Variants in PCLO observed in about 807,000 individuals in gnomAD.
PCLO encodes the protein piccolo presynaptic cytomatrix protein.
A neutral mutation model predicts 427.5 loss-of-function variants in PCLO; 82 were observed. The ratio of observed to expected loss-of-function variants is 0.19; its 90% confidence interval spans 0.16 to 0.23. PCLO has a LOEUF of 0.23. PCLO is among the 10% of genes least tolerant of loss of function. The pLI, the probability that PCLO is intolerant of heterozygous loss-of-function variation, is 1.00. For synonymous variants in PCLO, 2,357 were observed against 2,155.4 expected (o/e 1.09, Z -2.59); for missense variants, 6,239 against 6,115.9 (o/e 1.02, Z -0.67).
intron 10 of PCLO, among the ~76,000 whole-genome samples, chr7:82,852,451 C>G (rs1042803635): frequency 8.5e-5 from 13 of 152,252 alleles, no homozygotes; most frequent in African/African-American, 3.1e-4. Flanking sequence ...GCTGAGTCTT[C>G]CGGCCTTCAT....
intron 9 of PCLO, among the ~76,000 whole-genome samples, chr7:82,881,336 T>TA (rs2116056127): frequency 6.6e-6 from 1 of 152,332 alleles, no homozygotes; most frequent in East Asian, 1.9e-4. Context: ...GTTGGGTCCT[T>TA]AGAGTCATTT....
chr7:82,987,827 T>TTCTTAGTTCTTC (rs1796288864), intron 3 of PCLO, among the ~76,000 whole-genome samples: 1 of 151,846 alleles, frequency 6.6e-6, no homozygotes, highest in Non-Finnish European at 1.5e-5. Flanking sequence ...CTTAGTTCTT[T>TTCTTAGTTCTTC]CCCATTCACA....
Position 82,966,341 on chromosome 7 carries a change from T to C in PCLO, c.3447A>G (p.Ala1149=). The C allele has an allele frequency of 6.2e-7, 1 of 1,613,934 alleles. No homozygotes were observed. Among genetic ancestry groups the C allele is most frequent in the Non-Finnish European group, 8.5e-7 (1 of 1,179,858 alleles). Residue 1149 remains alanine, a synonymous_variant, in exon 4 of 25, where the codon GCA becomes GCG. Coordinates refer to ENST00000333891, the MANE Select transcript of PCLO (RefSeq NM_033026.6). ...VPTESSSQKT[A]VPPQVKLVKK... ...TCACTAATTTTACTTGGGGAGGCACTGCTGTTTTCTGAGATGATGATTCTG... is the reference window on the plus strand; with the variant it reads ...TCACTAATTTTACTTGGGGAGGCACCGCTGTTTTCTGAGATGATGATTCTG...
Position 82,956,041 on chromosome 7 carries a change from C to T in PCLO, c.4912G>A (p.Asp1638Asn), listed in dbSNP as rs776870399. The T allele has an allele frequency of 1.2e-6, 2 of 1,613,032 alleles. No individual in the cohort carries two copies. Among genetic ancestry groups the T allele is most frequent in the Non-Finnish European group, 8.5e-7 (1 of 1,179,870 alleles). Residue 1638 changes from aspartate to asparagine, a missense_variant, in exon 5 of 25, where the codon GAT (aspartate) becomes AAT (asparagine). This residue lies in a region of PCLO where 4,677 missense variants were observed against 4,468.4 expected (regional missense o/e 1.05). Coordinates refer to ENST00000333891, the MANE Select transcript of PCLO (RefSeq NM_033026.6). ...CTGTATTTAAGTTCAGGACTTTCAT[C>T]AAATGCTTCATCGTCTTCATCATGC... ...SWHDEDDEAF[D>N]ESPELKYRET... is the part of the protein sequence containing the mutation.
At chr7:82,767,366 G>C (rs1320891547) in intron 22 of PCLO, among the ~76,000 whole-genome samples, 1 of 152,082 alleles carries the variant, frequency 6.6e-6, no homozygotes, top group Admixed American at 6.6e-5. Context: ...TAAGAACAGG[G>C]AGGAGAAGAG....
chr7:82,963,846 C>T (rs1795706789), intron 4 of PCLO, among the ~76,000 whole-genome samples: 1 of 151,242 alleles, frequency 6.6e-6, no homozygotes, highest in Admixed American at 6.6e-5. Context: ...ATAGTGCATA[C>T]ATAAAATTTA....
intron 16 of PCLO, among the ~76,000 whole-genome samples, chr7:82,828,365 A>C (rs943654722): frequency 1.3e-5 from 2 of 152,166 alleles, no homozygotes; most frequent in African/African-American, 4.8e-5. Flanking sequence ...AGCAAAACTA[A>C]AACATTGTAA....
rs867645913 is a variant in PCLO at position 82,760,759 on chromosome 7, C to T, written c.15168G>A (p.Met5056Ile). Reference sequence around the variant, plus strand: ...TCACCTTTTTTTGGGTAGAAATATTCATCACATATATTTTCACATATAAAT... The same window carrying T: ...TCACCTTTTTTTGGGTAGAAATATTTATCACATATATTTTCACATATAAAT... The part of the protein sequence containing the change: ...LPDLYVKIYV[M>I]NISTQKKVIK... Residue 5056 changes from methionine (M) to isoleucine (I), a missense_variant, in exon 24 of 25, where the codon ATG becomes ATA. Coordinates refer to ENST00000333891, the MANE Select transcript of PCLO (RefSeq NM_033026.6). 2.0e-6 allele frequency: 3 copies of T among 1,490,400 alleles called. No individual in the cohort carries two copies. Among genetic ancestry groups the T allele is most frequent in the Non-Finnish European group, 2.8e-6 (3 of 1,074,780 alleles). The allele number at this position is 1,490,400 out of a possible 1,614,324, so 92.3% of individuals were successfully genotyped here.
At chr7:82,846,960 T>C (rs1444496266) in intron 11 of PCLO, among the ~76,000 whole-genome samples, 179 bp downstream of exon 11, 3 of 152,200 alleles carry the variant, frequency 2.0e-5, no homozygotes, top group African/African-American at 2.4e-5. Flanking sequence ...GGGAAGAGGC[T>C]GTTGACACAA....
chr7:83,142,808 A>C (rs1037779826), intron 2 of PCLO, among the ~76,000 whole-genome samples: 1 of 152,068 alleles, frequency 6.6e-6, no homozygotes, highest in African/African-American at 2.4e-5. Flanking sequence ...AAAATACAAA[A>C]ATCAGCCCGG....
intron 3 of PCLO, among the ~76,000 whole-genome samples, chr7:83,048,419 C>A (rs1328581514): frequency 6.6e-6 from 1 of 152,036 alleles, no homozygotes; most frequent in East Asian, 1.9e-4. Context: ...ATGAAACCAC[C>A]ATGAATTAGA....
Position 83,134,527 on chromosome 7 carries a change from A to G in PCLO, c.3023T>C (p.Leu1008Ser). Reference protein sequence around the residue: ...KETKAPAAEKLEPKAEQAPTV... With the variant: ...KETKAPAAEKSEPKAEQAPTV... ...TGGAGCTTGTTCAGCTTTGGGCTCT[A>G]ATTTTTCAGCTGCTGGGGCTTTTGT... The change falls in exon 3 of 25, where the codon TTA becomes TCA. Residue 1008 changes from leucine (L) to serine (S), a missense_variant. Physicochemically the swap from Leu to Ser is moderately radical, Grantham distance 145. Coordinates refer to ENST00000333891, the MANE Select transcript of PCLO (RefSeq NM_033026.6). The G allele has an allele frequency of 6.2e-7, 1 of 1,613,768 alleles. No individual in the cohort carries two copies. Among genetic ancestry groups the G allele is most frequent in the South Asian group, 1.1e-5 (1 of 91,076 alleles).
chr7:83,152,455 A>T (rs984031331), intron 2 of PCLO, among the ~76,000 whole-genome samples: 4 of 152,192 alleles, frequency 2.6e-5, no homozygotes, highest in Non-Finnish European at 4.4e-5. Context: ...TATCATATTA[A>T]TTGAGGTAAC....
intron 3 of PCLO, among the ~76,000 whole-genome samples, chr7:82,997,670 G>A (rs1387617185): frequency 6.6e-6 from 1 of 151,896 alleles, no homozygotes. Context: ...CCTCACCCTC[G>A]TATCAGTCAC....
chr7:82,953,969 G>C lies in PCLO; in HGVS notation c.6984C>G (p.Ala2328=), dbSNP rs374838410. ...EAYRDKKELE[A]ERTKSSLSET... ...CGGATAAGCTACTTTTTGTTCGTTCGGCCTCCAACTCCTTTTTATCTCTGT... is the reference window on the plus strand; with the variant it reads ...CGGATAAGCTACTTTTTGTTCGTTCCGCCTCCAACTCCTTTTTATCTCTGT... The change falls in exon 5 of 25, where the codon GCC becomes GCG. Residue 2328 remains alanine (A), a synonymous_variant. Transcript: ENST00000333891. 2.5e-6 allele frequency: 4 copies of C among 1,613,806 alleles called. No homozygotes were observed. The highest frequency in any genetic ancestry group is 3.4e-6 in the Non-Finnish European group (4 of 1,179,824).
intron 6 of PCLO, among the ~76,000 whole-genome samples, chr7:82,932,079 A>T (rs1473999158): frequency 6.6e-6 from 1 of 152,162 alleles, no homozygotes; most frequent in African/African-American, 2.4e-5. Context: ...CACTGTCATC[A>T]AGGCAGCAAT....
chr7:82,871,808 G>T (rs1200325988), intron 10 of PCLO, among the ~76,000 whole-genome samples: 2 of 151,762 alleles, frequency 1.3e-5, no homozygotes, highest in Non-Finnish European at 2.9e-5. Flanking sequence ...ATGGCTCAGG[G>T]ATGATTGTTG....
chr7:82,951,964 T>C lies in PCLO; in HGVS notation c.8989A>G (p.Thr2997Ala). The change falls in exon 5 of 25, where the codon ACA becomes GCA. Residue 2997 changes from threonine to alanine, a missense_variant. Thr to Ala is a moderately conservative substitution (Grantham distance 58, BLOSUM62 0). This residue lies in a region of PCLO where 4,677 missense variants were observed against 4,468.4 expected (regional missense o/e 1.05). Coordinates refer to ENST00000333891, the MANE Select transcript of PCLO (RefSeq NM_033026.6). ...IGGMKPSMSD[T>A]NLAEAGHFFY... Reference sequence around the variant, plus strand: ...AAATGTCCAGCTTCTGCTAAATTTGTGTCAGACATGGAAGGCTTCATTCCC... The same window carrying C: ...AAATGTCCAGCTTCTGCTAAATTTGCGTCAGACATGGAAGGCTTCATTCCC... The C allele has an allele frequency of 6.2e-7, 1 of 1,613,920 alleles. No individual in the cohort carries two copies. The highest frequency in any genetic ancestry group is 8.5e-7 in the Non-Finnish European group (1 of 1,179,842).
chr7:82,823,866 AATG>A (rs1478837507), intron 19 of PCLO, among the ~76,000 whole-genome samples: 1 of 152,218 alleles, frequency 6.6e-6, no homozygotes, highest in Admixed American at 6.5e-5. Context: ...ACTTAATGAT[AATG>A]ATGATTATGT....
Sources: allele counts gnomAD v4.1 joint callset (sites outside exome capture counted in the v4.1 genomes callset), GRCh38; gene constraint gnomAD v4.1.1; regional missense constraint gnomAD v4.1.1; transcripts MANE v1.5; gene names NCBI Gene and HGNC (gene_info 2026-07-23, HGNC 2026-07-21).